Variants in DAB1 observed in about 807,000 individuals in gnomAD.
DAB1 encodes disabled homolog 1.
In DAB1, 15 loss-of-function variants were observed where a neutral mutation model predicts 64.6. The ratio of observed to expected loss-of-function variants is 0.23; its 90% CI spans 0.16 to 0.36. DAB1 has a LOEUF of 0.36. DAB1 is among the 10% of genes least tolerant of loss of function. The pLI, the probability that DAB1 is intolerant of heterozygous loss-of-function variation, is 1.00. For missense variants in DAB1, 596 were observed against 706.7 expected, an observed-to-expected ratio of 0.84 and a Z score of 1.78; for synonymous variants, 235 against 251.9, an observed-to-expected ratio of 0.93 and a Z score of 0.64.
chr1:58,250,195 C>T (rs1660742698), intron 4 of DAB1, among the ~76,000 whole-genome samples: 1 of 152,200 alleles, frequency 6.6e-6, no homozygotes. Flanking sequence ...GCGCCCACCT[C>T]GAGCCTCTCA....
intron 6 of DAB1, among the ~76,000 whole-genome samples, chr1:57,800,899 A>G (rs554288089): frequency 9.3e-4 from 141 of 152,290 alleles, no homozygotes; most frequent in African/African-American, 3.3e-3. Flanking sequence ...TAAAAATTTT[A>G]TGGATTCATT....
chr1:57,314,651 G>T (rs972285391), intron 1 of DAB1, among the ~76,000 whole-genome samples: 1 of 151,964 alleles, frequency 6.6e-6, no homozygotes, highest in African/African-American at 2.4e-5. Context: ...GGCCTGGTGG[G>T]GCACACCTGT....
chr1:57,523,415 C>G (rs1644554004), intron 7 of DAB1, among the ~76,000 whole-genome samples: 1 of 152,210 alleles, frequency 6.6e-6, no homozygotes, highest in Non-Finnish European at 1.5e-5. Flanking sequence ...TGCATAGTTT[C>G]TAATCAGCTC....
chr1:58,353,558 G>C (rs1644079597), intron 3 of DAB1, among the ~76,000 whole-genome samples: 1 of 151,914 alleles, frequency 6.6e-6, no homozygotes, highest in African/African-American at 2.4e-5. Context: ...TAGTGGATGG[G>C]GAAAAGAAAA....
intron 3 of DAB1, among the ~76,000 whole-genome samples, chr1:58,382,975 T>C (rs7528807): frequency 0.094 from 14,269 of 152,238 alleles, 794 homozygotes; most frequent in Middle Eastern, 0.17. Flanking sequence ...CTGGTGCATC[T>C]GTTGTAAGAC....
At chr1:58,523,492 G>A (rs1228317523) in intron 2 of DAB1, among the ~76,000 whole-genome samples, 1 of 152,166 alleles carries the variant, frequency 6.6e-6, no homozygotes, top group East Asian at 1.9e-4. Context: ...ATGGCCCTCT[G>A]ATCTGAGACT....
chr1:57,281,146 A>C (rs1458384870), intron 2 of DAB1, among the ~76,000 whole-genome samples: 1 of 152,174 alleles, frequency 6.6e-6, no homozygotes, highest in Non-Finnish European at 1.5e-5. Flanking sequence ...TTAGTGGCAG[A>C]ACTAAAGTGG....
chr1:58,232,164 C>G (rs1659806128), intron 4 of DAB1, among the ~76,000 whole-genome samples: 1 of 152,122 alleles, frequency 6.6e-6, no homozygotes, highest in Admixed American at 6.5e-5. Context: ...AAATACCTGA[C>G]AGGTCTACAA....
intron 1 of DAB1, among the ~76,000 whole-genome samples, chr1:57,326,507 A>G (rs1262840460): frequency 2.0e-5 from 3 of 152,172 alleles, no homozygotes; most frequent in African/African-American, 7.2e-5. Context: ...ACACAGCCCT[A>G]TGACTCTCCA....
intron 4 of DAB1, among the ~76,000 whole-genome samples, chr1:58,184,486 T>C (rs919441692): frequency 2.0e-5 from 3 of 152,058 alleles, no homozygotes; most frequent in African/African-American, 7.2e-5. Flanking sequence ...TGAATGATAA[T>C]GATAACCAAT....
intron 7 of DAB1, among the ~76,000 whole-genome samples, chr1:57,444,517 T>C (rs1323887659): frequency 6.6e-6 from 1 of 152,210 alleles, no homozygotes; most frequent in Non-Finnish European, 1.5e-5. Flanking sequence ...AATCAGTGAC[T>C]GTTACCTTAA....
chr1:57,485,644 C>T (rs1216805186), intron 7 of DAB1, among the ~76,000 whole-genome samples: 1 of 152,176 alleles, frequency 6.6e-6, no homozygotes, highest in Non-Finnish European at 1.5e-5. Context: ...TTTAGCACAA[C>T]ATGTGTGACT....
intron 3 of DAB1, among the ~76,000 whole-genome samples, chr1:58,373,727 A>G (rs1312183824): frequency 6.6e-6 from 1 of 152,028 alleles, no homozygotes; most frequent in Non-Finnish European, 1.5e-5. Flanking sequence ...TGGTATTTCT[A>G]GTTCTAGATC....
intron 4 of DAB1, among the ~76,000 whole-genome samples, chr1:58,213,130 G>GTGA (rs1178285673): frequency 6.6e-6 from 1 of 152,180 alleles, no homozygotes; most frequent in Non-Finnish European, 1.5e-5. Context: ...AAAGGTCAAT[G>GTGA]TGATCTGATT....
intron 6 of DAB1, among the ~76,000 whole-genome samples, chr1:57,817,541 C>T (rs771581673): frequency 3.9e-5 from 6 of 152,180 alleles, no homozygotes; most frequent in Non-Finnish European, 5.9e-5. Flanking sequence ...AGGCTGCCAA[C>T]GTTGAACGAG....
chr1:58,538,815 T>C (rs1460767944), intron 1 of DAB1: 2 of 813,388 alleles, frequency 2.5e-6, no homozygotes, highest in Non-Finnish European at 4.2e-6. Flanking sequence ...TGATTGCAAA[T>C]AACTTCTGTA....
chr1:57,151,463 C>T (rs944573562), intron 2 of DAB1, among the ~76,000 whole-genome samples: 1 of 152,022 alleles, frequency 6.6e-6, no homozygotes, highest in Non-Finnish European at 1.5e-5. Context: ...CCTGTAAAAA[C>T]CACAACAGCA....
At chr1:58,387,268 C>A (rs1242935053) in intron 3 of DAB1, among the ~76,000 whole-genome samples, 2 of 152,164 alleles carry the variant, frequency 1.3e-5, no homozygotes, top group African/African-American at 4.8e-5. Flanking sequence ...TGAAAATAAA[C>A]TGACATAGAC....
chr1:58,427,692 T>C (rs989905478), intron 3 of DAB1, among the ~76,000 whole-genome samples: 1 of 151,978 alleles, frequency 6.6e-6, no homozygotes, highest in Admixed American at 6.6e-5. Flanking sequence ...GATTGGGAGG[T>C]CTTCGGTGCC....
Sources: gnomAD v4.1 joint callset for allele counts (sites outside exome capture counted in the v4.1 genomes callset) on GRCh38, gnomAD v4.1.1 for gene constraint, MANE v1.5 for transcripts, NCBI Gene and HGNC (gene_info 2026-07-23, HGNC 2026-07-21) for gene names.